Variants in OR2L13 observed in about 807,000 individuals in gnomAD.
OR2L13 encodes the protein olfactory receptor 2L13.
In OR2L13, 14 loss-of-function variants were observed where a neutral mutation model predicts 15.3. That is an observed-to-expected ratio of 0.91 (90% confidence interval 0.60 to 1.43). OR2L13 has a LOEUF of 1.43. OR2L13 is among the 40% of genes most tolerant of loss of function. The pLI is 0.00. For synonymous variants in OR2L13, 152 were observed against 142.9 expected (o/e 1.06, Z -0.45); for missense variants, 367 against 387.9 (o/e 0.95, Z 0.45).
intron 1 of OR2L13, chr1:248,097,498 T>G: frequency 6.6e-6 from 1 of 152,194 alleles, no homozygotes; most frequent in East Asian, 1.9e-4. Flanking sequence ...AGTCCCAGAT[T>G]CACAGGATCC....
At chr1:247,971,610 A>G in the OR2L13 span, among the ~76,000 whole-genome samples, 96 of 152,240 alleles carry the variant, frequency 6.3e-4, no homozygotes, top group African/African-American at 2.1e-3. Flanking sequence ...GGTGTAAGAA[A>G]GGGGTCCAGT....
the OR2L13 span, chr1:248,046,775 A>G: frequency 6.6e-6 from 1 of 152,192 alleles, no homozygotes; most frequent in Non-Finnish European, 1.5e-5. Context: ...TGAAAAACCA[A>G]TATACACATT....
chr1:247,994,328 C>T, the OR2L13 span, among the ~76,000 whole-genome samples: 2 of 152,072 alleles, frequency 1.3e-5, no homozygotes, highest in African/African-American at 4.8e-5. Flanking sequence ...ACCCGGGAGG[C>T]GGAGCTTGCA....
the OR2L13 span, among the ~76,000 whole-genome samples, chr1:248,067,832 C>T: frequency 6.6e-6 from 1 of 152,214 alleles, no homozygotes; most frequent in Non-Finnish European, 1.5e-5. Context: ...AACGGCGCGC[C>T]AGGAGGTTAT....
At chr1:248,099,255 T>A in intron 2 of OR2L13, 103 bp from the exon 3 acceptor site, 1 of 688,102 alleles carries the variant, frequency 1.5e-6, no homozygotes, top group Non-Finnish European at 2.5e-6. Flanking sequence ...GAGAAACAAC[T>A]CATTCTAAAC....
chr1:248,027,399 T>G, the OR2L13 span, among the ~76,000 whole-genome samples: 1 of 152,222 alleles, frequency 6.6e-6, no homozygotes, highest in Non-Finnish European at 1.5e-5. Flanking sequence ...TCCATTTGCC[T>G]TGTGATATTT....
chr1:248,075,021 C>G, the OR2L13 span, among the ~76,000 whole-genome samples: 24 of 152,136 alleles, frequency 1.6e-4, no homozygotes, highest in African/African-American at 5.3e-4. Context: ...GTCCCTCCCC[C>G]AGACCCCCAG....
the OR2L13 span, among the ~76,000 whole-genome samples, chr1:248,015,118 C>G: frequency 6.6e-6 from 1 of 152,210 alleles, no homozygotes; most frequent in African/African-American, 2.4e-5. Context: ...CAAATATTCA[C>G]TTTATATTCT....
At chr1:247,994,389 T>C in the OR2L13 span, among the ~76,000 whole-genome samples, 1 of 152,074 alleles carries the variant, frequency 6.6e-6, no homozygotes, top group Admixed American at 6.6e-5. Context: ...AGAGCGAGAC[T>C]CCATCTCAAA....
chr1:247,992,385 T>A, the OR2L13 span, among the ~76,000 whole-genome samples: 28 of 152,190 alleles, frequency 1.8e-4, no homozygotes, highest in Admixed American at 1.8e-3. Flanking sequence ...TATGCAGATA[T>A]GTTTTATTTC....
the OR2L13 span, chr1:248,003,374 T>C: frequency 3.1e-6 from 5 of 1,608,692 alleles, no homozygotes; most frequent in African/African-American, 1.3e-5. Flanking sequence ...TAAGATGGCA[T>C]CTGATTTTCT....
the OR2L13 span, among the ~76,000 whole-genome samples, chr1:247,999,559 T>C: frequency 6.6e-6 from 1 of 152,202 alleles, no homozygotes; most frequent in African/African-American, 2.4e-5. Flanking sequence ...GTTATTCCTA[T>C]GTCAGTTACC....
At chr1:248,013,540 G>T in the OR2L13 span, 1 of 152,094 alleles carries the variant, frequency 6.6e-6, no homozygotes, top group Non-Finnish European at 1.5e-5. Flanking sequence ...GGTAAAGAAG[G>T]ACTGGATCAT....
At chr1:247,982,661 C>G in the OR2L13 span, among the ~76,000 whole-genome samples, 1 of 152,070 alleles carries the variant, frequency 6.6e-6, no homozygotes, top group African/African-American at 2.4e-5. Context: ...GGGAACAAGA[C>G]AGAAATTGCA....
the OR2L13 span, among the ~76,000 whole-genome samples, chr1:248,053,802 GTTGT>G: frequency 6.2e-4 from 94 of 152,200 alleles, no homozygotes; most frequent in African/African-American, 2.2e-3. Flanking sequence ...TTTTAATGGG[GTTGT>G]TTGTTCTTTT....
the OR2L13 span, among the ~76,000 whole-genome samples, chr1:248,024,455 TA>T: frequency 6.6e-6 from 1 of 152,338 alleles, no homozygotes; most frequent in Admixed American, 6.5e-5. Context: ...TTTACTTGTA[TA>T]AAATGCATTT....
chr1:247,944,813 C>A, the OR2L13 span, among the ~76,000 whole-genome samples: 2 of 151,972 alleles, frequency 1.3e-5, no homozygotes, highest in African/African-American at 4.8e-5. Flanking sequence ...TATTAGTATT[C>A]TCTGATGATT....
At chr1:248,079,264 G>A in the OR2L13 span, among the ~76,000 whole-genome samples, 361 of 17,202 alleles carry the variant, frequency 0.021, 1 homozygote, top group Non-Finnish European at 0.3. Context: ...GAAATTTTCT[G>A]TACTTTTTTT....
At chr1:248,073,041 G>A in the OR2L13 span, among the ~76,000 whole-genome samples, 1 of 151,622 alleles carries the variant, frequency 6.6e-6, no homozygotes, top group African/African-American at 2.4e-5. Context: ...CTGTAAACTA[G>A]TTCAACCATT....
Sources: gnomAD v4.1 joint callset for allele counts (sites outside exome capture counted in the v4.1 genomes callset) on GRCh38, gnomAD v4.1.1 for gene constraint, MANE v1.5 for transcripts, NCBI Gene and HGNC (gene_info 2026-07-23, HGNC 2026-07-21) for gene names.